SH3RF3: variants seen among roughly 807,000 people sequenced by gnomAD.
SH3RF3 encodes SH3 domain containing ring finger 3, also known as E3 ubiquitin-protein ligase SH3RF3.
Under a neutral mutation model 66.3 loss-of-function variants are expected in SH3RF3, and 29 were observed. The ratio of observed to expected loss-of-function variants is 0.44; its 90% CI spans 0.33 to 0.60. SH3RF3 has a LOEUF of 0.60. Ranked by LOEUF, SH3RF3 falls within the 20% of genes least tolerant of loss-of-function variation. SH3RF3 has a pLI of 0.04. For missense variants in SH3RF3, 1,194 were observed against 1,190.9 expected (o/e 1.00, Z -0.04); for synonymous variants, 583 against 532.0 (o/e 1.10, Z -1.32).
chr2:109,348,824 C>T (rs543370487), intron 2 of SH3RF3, among the ~76,000 whole-genome samples: 2 of 152,262 alleles, frequency 1.3e-5, no homozygotes, highest in East Asian at 1.9e-4. Flanking sequence ...ACCTGCTCCC[C>T]GCCGCCCCCA....
At chr2:109,350,434 G>A (rs1206396399) in intron 2 of SH3RF3, among the ~76,000 whole-genome samples, 1 of 152,132 alleles carries the variant, frequency 6.6e-6, no homozygotes, top group African/African-American at 2.4e-5. Context: ...AGAATTAGAG[G>A]CCTCTGGGTG....
At chr2:109,175,122 T>C (rs921095883) in intron 1 of SH3RF3, among the ~76,000 whole-genome samples, 2 of 152,260 alleles carry the variant, frequency 1.3e-5, no homozygotes, top group South Asian at 2.1e-4. Flanking sequence ...GTAGTCCTGG[T>C]CATTATCAGT....
At chr2:109,334,877 C>G (rs767633341) in intron 1 of SH3RF3, among the ~76,000 whole-genome samples, 2 of 152,212 alleles carry the variant, frequency 1.3e-5, no homozygotes, top group Non-Finnish European at 2.9e-5. Flanking sequence ...TTTGTGGAAC[C>G]CAGTGTTTTT....
At chr2:109,368,139 C>T (rs771703579) in intron 2 of SH3RF3, among the ~76,000 whole-genome samples, 1 of 152,164 alleles carries the variant, frequency 6.6e-6, no homozygotes, top group Non-Finnish European at 1.5e-5. Flanking sequence ...CTATTTTTCT[C>T]TTAAGGTATT....
Position 109,432,531 on chromosome 2 carries a change from G to T in SH3RF3, c.1434G>T (p.Gln478His). 6.2e-7 allele frequency: 1 copy of T among 1,613,666 alleles called. No homozygotes were observed. The highest frequency in any genetic ancestry group is 1.1e-5 in the South Asian group (1 of 90,938). Residue 478 changes from glutamine (Q) to histidine (H), a missense_variant, in exon 6 of 10, where the codon CAG becomes CAT. Transcript: ENST00000309415. ...TGGCGCTCTACGCCTACAAGCCCCA[G>T]AAGAGTGACGAGCTGGAGCTGCACA... ...VYLALYAYKP[Q>H]KSDELELHKG... is the part of the protein sequence containing the mutation.
chr2:109,156,313 G>T (rs772174888), intron 1 of SH3RF3, among the ~76,000 whole-genome samples: 6 of 152,178 alleles, frequency 3.9e-5, no homozygotes, highest in Non-Finnish European at 7.3e-5. Flanking sequence ...TCCGCCCCTC[G>T]CATCTTCCCC....
At chr2:109,131,602 A>G (rs1008336766) in intron 1 of SH3RF3, among the ~76,000 whole-genome samples, 1 of 152,198 alleles carries the variant, frequency 6.6e-6, no homozygotes, top group African/African-American at 2.4e-5. Context: ...GTGTTTGACC[A>G]GGAGGTTAGG....
intron 2 of SH3RF3, among the ~76,000 whole-genome samples, chr2:109,354,410 A>G (rs1677456515): frequency 6.6e-6 from 1 of 152,246 alleles, no homozygotes; most frequent in African/African-American, 2.4e-5. Context: ...CGCAGCGTTC[A>G]TGTGGCCTCC....
intron 1 of SH3RF3, among the ~76,000 whole-genome samples, chr2:109,272,103 C>T (rs1010734432): frequency 1.3e-5 from 2 of 152,206 alleles, no homozygotes; most frequent in Non-Finnish European, 2.9e-5. Flanking sequence ...CAGGGCAGCC[C>T]GTCTGCCTCT....
chr2:109,384,045 C>T (rs902305665), intron 3 of SH3RF3, among the ~76,000 whole-genome samples: 7 of 152,192 alleles, frequency 4.6e-5, no homozygotes, highest in Non-Finnish European at 8.8e-5. Context: ...CATCAGAGGA[C>T]CACTTGCTCC....
chr2:109,291,609 C>T (rs146823224), intron 1 of SH3RF3, among the ~76,000 whole-genome samples: 135 of 152,346 alleles, frequency 8.9e-4, no homozygotes, highest in Admixed American at 2.2e-3. Context: ...CAGGCAGCTC[C>T]TCGTGGTGGG....
At chr2:109,297,557 A>G (rs557061482) in intron 1 of SH3RF3, among the ~76,000 whole-genome samples, 222 of 131,864 alleles carry the variant, frequency 1.7e-3, no homozygotes, top group Non-Finnish European at 2.5e-3. Context: ...ACCCAAGTCA[A>G]TGCCTCCCAC....
intron 1 of SH3RF3, among the ~76,000 whole-genome samples, chr2:109,212,154 T>G (rs893485584): frequency 6.6e-6 from 1 of 152,146 alleles, no homozygotes; most frequent in African/African-American, 2.4e-5. Flanking sequence ...TGGCTGTGGT[T>G]TTGTTTGGCT....
intron 3 of SH3RF3, among the ~76,000 whole-genome samples, chr2:109,380,556 T>G (rs948207670): frequency 2.6e-5 from 4 of 152,230 alleles, no homozygotes; most frequent in Non-Finnish European, 5.9e-5. Context: ...GACAGCTTAG[T>G]AAGTTTTTGT....
chr2:109,422,183 A>C (rs1430190503), intron 5 of SH3RF3, among the ~76,000 whole-genome samples: 1 of 152,232 alleles, frequency 6.6e-6, no homozygotes, highest in Non-Finnish European at 1.5e-5. Context: ...CTGTCGTTGC[A>C]AAAACAACCA....
At position 109,504,603 on chromosome 2, in the gene SH3RF3, C is replaced by G. The variant is rs965266687; in HGVS notation, c.*2932C>G. ...ATGACAAACCATGATGCCTGTGTTT[C>G]TGAGTCTTTAAATAAAAATGAACAT... On this transcript the variant is annotated 3_prime_UTR_variant, in exon 10 of 10. Coordinates refer to ENST00000309415, the MANE Select transcript of SH3RF3 (RefSeq NM_001099289.3). The G allele has an allele frequency of 6.6e-6, 1 of 152,244 alleles. No individual in the cohort carries two copies. Among genetic ancestry groups the G allele is most frequent in the Non-Finnish European group, 1.5e-5 (1 of 68,052 alleles). The allele number at this position is 152,244 out of a possible 1,614,324, so 9.4% of individuals were successfully genotyped here.
intron 1 of SH3RF3, among the ~76,000 whole-genome samples, chr2:109,257,250 C>T (rs958668549): frequency 6.6e-6 from 1 of 151,952 alleles, no homozygotes; most frequent in African/African-American, 2.4e-5. Flanking sequence ...TCATGTTGTT[C>T]GTTCTGTGGC....
chr2:109,476,953 A>G (rs2104748621), intron 8 of SH3RF3, among the ~76,000 whole-genome samples: 1 of 152,142 alleles, frequency 6.6e-6, no homozygotes, highest in South Asian at 2.1e-4. Context: ...CCTCATCACC[A>G]CCTTGGTTTT....
At chr2:109,412,155 C>T (rs1367327343) in intron 4 of SH3RF3, among the ~76,000 whole-genome samples, 1 of 152,256 alleles carries the variant, frequency 6.6e-6, no homozygotes, top group Admixed American at 6.5e-5. Flanking sequence ...CTTCGGCCGC[C>T]GTGGTCCACG....
Sources: allele counts gnomAD v4.1 joint callset (sites outside exome capture counted in the v4.1 genomes callset), GRCh38; gene constraint gnomAD v4.1.1; transcripts MANE v1.5; gene names NCBI Gene and HGNC (gene_info 2026-07-23, HGNC 2026-07-21).